Variants in PLEKHA5 observed in about 807,000 individuals in gnomAD.
The protein encoded by PLEKHA5 is pleckstrin homology domain containing A5.
PLEKHA5 carries 55 observed loss-of-function variants against 181.9 expected under a neutral mutation model. The observed-to-expected ratio is 0.30, with a 90% CI of 0.24 to 0.38. The LOEUF is 0.38. Among genes scored for constraint, PLEKHA5 ranks in the 10% least tolerant of loss-of-function variants. PLEKHA5 has a pLI of 1.00. For synonymous variants in PLEKHA5, 535 were observed against 529.4 expected (o/e 1.01, Z -0.15); for missense variants, 1,432 against 1,549.5 (o/e 0.92, Z 1.27).
chr12:19,250,372 G>A (rs2064954034), intron 3 of PLEKHA5, among the ~76,000 whole-genome samples: 1 of 152,152 alleles, frequency 6.6e-6, no homozygotes, highest in Admixed American at 6.5e-5. Context: ...ATCGCGTGAG[G>A]ACAGGAGTTT....
intron 23 of PLEKHA5, among the ~76,000 whole-genome samples, chr12:19,346,478 A>G (rs2094339513): frequency 6.6e-6 from 1 of 151,886 alleles, no homozygotes; most frequent in African/African-American, 2.4e-5. Context: ...CCATCTCTAG[A>G]AAACATTGAA....
chr12:19,362,998 G>C (rs538512896), intron 29 of PLEKHA5, among the ~76,000 whole-genome samples: 3 of 151,450 alleles, frequency 2.0e-5, no homozygotes, highest in South Asian at 2.1e-4. Context: ...TGCTATCTGT[G>C]GGGGGGCCCT....
chr12:19,220,347 G>A (rs978792482), intron 3 of PLEKHA5, among the ~76,000 whole-genome samples: 5 of 151,940 alleles, frequency 3.3e-5, no homozygotes, highest in African/African-American at 1.2e-4. Context: ...AATACTTCCT[G>A]AGAAAAGTTA....
At chr12:19,236,543 T>C (rs762697877) in intron 3 of PLEKHA5, among the ~76,000 whole-genome samples, 5 of 152,170 alleles carry the variant, frequency 3.3e-5, no homozygotes, top group African/African-American at 4.8e-5. Context: ...GAAACAAATA[T>C]ATATCATCTT....
chr12:19,304,233 G>C (rs78127553), intron 15 of PLEKHA5, among the ~76,000 whole-genome samples: 2 of 151,884 alleles, frequency 1.3e-5, no homozygotes, highest in Admixed American at 1.3e-4. Flanking sequence ...GGTGAAACCC[G>C]GTCTCTACTA....
intron 3 of PLEKHA5, among the ~76,000 whole-genome samples, chr12:19,183,955 TCCA>T (rs1228036544): frequency 6.6e-6 from 1 of 152,108 alleles, no homozygotes; most frequent in Non-Finnish European, 1.5e-5. Flanking sequence ...CCTCAGATTA[TCCA>T]CCTGCCTTAG....
At chr12:19,253,465 A>C (rs1246502396) in intron 3 of PLEKHA5, among the ~76,000 whole-genome samples, 1 of 152,170 alleles carries the variant, frequency 6.6e-6, no homozygotes, top group East Asian at 1.9e-4. Flanking sequence ...AAATATAAGT[A>C]ACATTTACAC....
chr12:19,129,905 G>A lies in PLEKHA5; in HGVS notation c.89+17G>A. On this transcript the variant is annotated intron_variant, in intron 1 of 31. Transcript: ENST00000429027. ...CTTCATCAAGTAAAGAGCCGGGGAC[G>A]GCACGGGGGCCCGCGGGGGCGGGAG... is the stretch of plus-strand genomic sequence containing the variant. 8 of 1,593,020 alleles carry A rather than the reference G, an allele frequency of 5.0e-6. No homozygotes were observed. Among genetic ancestry groups the A allele is most frequent in the Middle Eastern group, 3.4e-4 (2 of 5,852 alleles).
At chr12:19,271,711 T>C (rs1302096307) in intron 10 of PLEKHA5, among the ~76,000 whole-genome samples, 2 of 152,180 alleles carry the variant, frequency 1.3e-5, no homozygotes, top group Non-Finnish European at 2.9e-5. Flanking sequence ...TACTCGTAAT[T>C]TGGGATGATA....
At chr12:19,281,555 C>A (rs2076151252) in intron 11 of PLEKHA5, among the ~76,000 whole-genome samples, 1 of 147,494 alleles carries the variant, frequency 6.8e-6, no homozygotes, top group Admixed American at 6.8e-5. Flanking sequence ...TCAGCCTGGG[C>A]AACAGAGCAA....
intron 10 of PLEKHA5, among the ~76,000 whole-genome samples, chr12:19,271,051 C>CT (rs1171035224): frequency 1.3e-5 from 2 of 152,126 alleles, no homozygotes; most frequent in Non-Finnish European, 2.9e-5. Context: ...TCTAGGACAT[C>CT]TATTTTTAAG....
chr12:19,173,055 C>T (rs527811299), intron 3 of PLEKHA5, among the ~76,000 whole-genome samples: 238 of 104,568 alleles, frequency 2.3e-3, no homozygotes, highest in Admixed American at 4.0e-3. Context: ...CTCGCTCTGT[C>T]GCCCAGGCCG....
intron 15 of PLEKHA5, among the ~76,000 whole-genome samples, chr12:19,296,725 T>G (rs574395900): frequency 6.6e-6 from 1 of 152,154 alleles, no homozygotes; most frequent in East Asian, 1.9e-4. Context: ...CTGGTTGGGT[T>G]GAGCAAAAGA....
rs35536570 is a variant in PLEKHA5, at chr12:19,253,064, C to CTTTTTTTTTTTT, written c.228-861_228-850dup. 7.5e-3 allele frequency among the ~76,000 whole-genome samples: 342 copies of CTTTTTTTTTTTT among 45,878 alleles called. 62 individuals carry two copies. Among genetic ancestry groups the CTTTTTTTTTTTT allele is most frequent in the African/African-American group, 0.011 (174 of 15,532 alleles). 30.1% of individuals were successfully genotyped at this position (45,878 alleles called of 152,430 possible). ...GAGCTAAACAGCCAAATCAACTTACCTTTTTTTTTTTTTTTTTTTTTTTTT... is the reference window on the plus strand; with the variant it reads ...GAGCTAAACAGCCAAATCAACTTACCTTTTTTTTTTTTTTTTTTTTTTTTTTTTTTTTTTTTT... On this transcript the variant is annotated intron_variant, in intron 3 of 31. Coordinates refer to ENST00000429027, the MANE Select transcript of PLEKHA5 (RefSeq NM_001256470.2).
At chr12:19,286,752 G>A (rs1301699528) in intron 12 of PLEKHA5, among the ~76,000 whole-genome samples, 1 of 151,974 alleles carries the variant, frequency 6.6e-6, no homozygotes, top group Non-Finnish European at 1.5e-5. Context: ...GATTGCTTGA[G>A]GCCAGGAGTT....
intron 10 of PLEKHA5, among the ~76,000 whole-genome samples, chr12:19,272,917 C>G (rs913321509): frequency 1.3e-5 from 2 of 151,970 alleles, no homozygotes; most frequent in African/African-American, 4.8e-5. Flanking sequence ...CTTTGTTGTT[C>G]TTGTTTTGAG....
intron 6 of PLEKHA5, among the ~76,000 whole-genome samples, chr12:19,258,562 T>TTC (rs1555132389): frequency 4.4e-5 from 1 of 22,658 alleles, no homozygotes; most frequent in Non-Finnish European, 2.4e-4. Context: ...TTTCTTTTTC[T>TTC]TTTTTTTTTT....
At position 19,320,608 on chromosome 12, in the gene PLEKHA5, A is replaced by T; in HGVS notation, c.2201A>T (p.Glu734Val). 1 of 1,490,180 alleles carries T rather than the reference A, an allele frequency of 6.7e-7. No individual in the cohort carries two copies. The highest frequency in any genetic ancestry group is 1.4e-5 in the African/African-American group (1 of 72,398). The allele number at this position is 1,490,180 out of a possible 1,614,324, so 92.3% of individuals were successfully genotyped here. Residue 734 changes from glutamate to valine, a missense_variant, in exon 18 of 32, where the codon GAA becomes GTA. Glu to Val is a moderately radical substitution (Grantham distance 121). This residue lies in a region of PLEKHA5 where 1,143 missense variants were observed against 1,168.4 expected (regional missense o/e 0.98). Coordinates refer to ENST00000429027, the MANE Select transcript of PLEKHA5 (RefSeq NM_001256470.2). The stretch of plus-strand genomic sequence containing the variant: ...GGCACATTATACAAATACAGACCTG[A>T]AGAAGTAGATATTGATGTAAGTATT... ...GRGTLYKYRP[E>V]EVDIDAKLSR...
intron 3 of PLEKHA5, among the ~76,000 whole-genome samples, chr12:19,175,182 T>C (rs2046893474): frequency 6.6e-6 from 1 of 152,208 alleles, no homozygotes; most frequent in African/African-American, 2.4e-5. Context: ...TTAACTCTCT[T>C]TTACTACTGA....
Sources: gnomAD v4.1 joint callset for allele counts (sites outside exome capture counted in the v4.1 genomes callset) on GRCh38, gnomAD v4.1.1 for gene constraint, gnomAD v4.1.1 regional missense constraint, MANE v1.5 for transcripts, NCBI Gene and HGNC (gene_info 2026-07-23, HGNC 2026-07-21) for gene names.